UPP2: variants seen among roughly 807,000 people sequenced by gnomAD.
UPP2 encodes the protein UPase 2.
A neutral mutation model predicts 26.7 loss-of-function variants in UPP2; 23 were observed. The observed-to-expected ratio is 0.86, with a 90% confidence interval of 0.62 to 1.22. The LOEUF (loss-of-function observed/expected upper bound fraction) is 1.22. Ranked by LOEUF, UPP2 falls within the 50% of genes most tolerant of loss-of-function variation. UPP2 has a pLI of 0.00. For missense variants in UPP2, 387 were observed against 396.7 expected (o/e 0.98, Z 0.21); for synonymous variants, 127 against 141.3 (o/e 0.90, Z 0.72).
intron 3 of UPP2, among the ~76,000 whole-genome samples, chr2:158,022,896 T>C (rs1683774731): frequency 6.6e-6 from 1 of 152,176 alleles, no homozygotes; most frequent in Non-Finnish European, 1.5e-5. Context: ...GATACAGGCA[T>C]AAAAGCAGAT....
intron 3 of UPP2, among the ~76,000 whole-genome samples, chr2:158,019,906 C>T (rs1683722559): frequency 6.6e-6 from 1 of 151,678 alleles, no homozygotes; most frequent in South Asian, 2.1e-4. Flanking sequence ...TTTTATACAC[C>T]AAAAGAAAAA....
At chr2:158,094,402 T>G (rs1445173876) in intron 3 of UPP2, among the ~76,000 whole-genome samples, 5 of 152,110 alleles carry the variant, frequency 3.3e-5, no homozygotes, top group African/African-American at 1.2e-4. Context: ...GACCTAACAA[T>G]CACCACAGCA....
At chr2:158,085,193 T>C (rs2105197817) in intron 3 of UPP2, among the ~76,000 whole-genome samples, 1 of 152,238 alleles carries the variant, frequency 6.6e-6, no homozygotes, top group South Asian at 2.1e-4. Context: ...GTTTTCCTTG[T>C]AGAGGTCTTT....
At chr2:158,011,190 G>A (rs1424131180) in intron 2 of UPP2, among the ~76,000 whole-genome samples, 1 of 152,110 alleles carries the variant, frequency 6.6e-6, no homozygotes, top group African/African-American at 2.4e-5. Flanking sequence ...AACACCCTTT[G>A]GTTTCACACG....
chr2:158,054,385 GT>G (rs71404330), intron 3 of UPP2, among the ~76,000 whole-genome samples: 1,696 of 138,998 alleles, frequency 0.012, 17 homozygotes, highest in Middle Eastern at 0.04. Flanking sequence ...TTATTTTGAG[GT>G]TTTTTTTTTT....
chr2:158,116,674 C>T (rs1683437838), intron 3 of UPP2, among the ~76,000 whole-genome samples: 1 of 152,194 alleles, frequency 6.6e-6, no homozygotes, highest in Non-Finnish European at 1.5e-5. Context: ...CATTAACTTA[C>T]TAAATGTCTG....
chr2:158,105,133 T>G (rs556653231), intron 1 of UPP2, among the ~76,000 whole-genome samples: 2 of 151,600 alleles, frequency 1.3e-5, no homozygotes, highest in East Asian at 3.9e-4. Flanking sequence ...CACTGTGGTG[T>G]GGGGGTAGAT....
At chr2:158,065,589 G>A in intron 3 of UPP2, 2 of 558,090 alleles carry the variant, frequency 3.6e-6, no homozygotes, top group Non-Finnish European at 7.0e-6. Context: ...TCACATACAA[G>A]AACATGAGGA....
chr2:158,112,623 G>A (rs145993305), intron 2 of UPP2, among the ~76,000 whole-genome samples: 51 of 151,926 alleles, frequency 3.4e-4, no homozygotes, highest in Middle Eastern at 3.4e-3. Flanking sequence ...AAAAAAGGAA[G>A]TTATCTATTC....
At chr2:158,131,849 C>T (rs1683825881) in intron 6 of UPP2, among the ~76,000 whole-genome samples, 1 of 152,188 alleles carries the variant, frequency 6.6e-6, no homozygotes, top group Non-Finnish European at 1.5e-5. Context: ...TTATTATATG[C>T]TGCTCGCTAG....
chr2:158,053,097 GC>G (rs1682186068), intron 3 of UPP2, among the ~76,000 whole-genome samples: 1 of 152,144 alleles, frequency 6.6e-6, no homozygotes, highest in South Asian at 2.1e-4. Context: ...CACCTTTCTA[GC>G]AGGAGGTGTG....
At chr2:158,121,375 T>C (rs367861426) in intron 4 of UPP2, 34 bp from the exon 5 acceptor site, 1 of 1,579,414 alleles carries the variant, frequency 6.3e-7, no homozygotes, top group African/African-American at 1.3e-5. Context: ...CTCTAAACGA[T>C]ATTCTTCTGT....
At chr2:158,011,577 A>T (rs1048655827) in intron 2 of UPP2, among the ~76,000 whole-genome samples, 1 of 149,896 alleles carries the variant, frequency 6.7e-6, no homozygotes, top group Non-Finnish European at 1.5e-5. Context: ...CAGCTTGGGT[A>T]AGTTGTCCAC....
intron 2 of UPP2, among the ~76,000 whole-genome samples, chr2:158,007,929 A>G (rs967088744): frequency 6.6e-6 from 1 of 152,162 alleles, no homozygotes; most frequent in African/African-American, 2.4e-5. Flanking sequence ...CTGGCTTTTC[A>G]TGTATCTCTA....
At position 158,124,216 on chromosome 2, in the gene UPP2, A is replaced by G. The variant is rs182673310; in HGVS notation, c.811+321A>G. 7.7e-4 allele frequency among the ~76,000 whole-genome samples: 118 copies of G among 152,288 alleles called. 1 individual carries two copies. The highest frequency in any genetic ancestry group is 2.8e-3 in the African/African-American group (116 of 41,556). ...ATTGAATTTATTGAGACAAGATACA[A>G]ACAAAATATTCCTAAAATAGTCCAT... On this transcript the variant is annotated intron_variant, in intron 6 of 6. Coordinates refer to ENST00000005756, the MANE Select transcript of UPP2 (RefSeq NM_173355.4).
intron 3 of UPP2, among the ~76,000 whole-genome samples, chr2:158,030,360 C>T (rs1390815825): frequency 1.3e-5 from 2 of 151,890 alleles, no homozygotes; most frequent in Non-Finnish European, 2.9e-5. Flanking sequence ...CATCCATATC[C>T]CTGAAAGTTT....
intron 3 of UPP2, among the ~76,000 whole-genome samples, chr2:158,032,461 A>C (rs1051073438): frequency 2.0e-5 from 3 of 152,200 alleles, no homozygotes; most frequent in African/African-American, 7.2e-5. Flanking sequence ...GGCTGCCTAC[A>C]TGAAAATATA....
chr2:158,020,967 T>A (rs1303414166), intron 3 of UPP2, among the ~76,000 whole-genome samples: 1 of 152,212 alleles, frequency 6.6e-6, no homozygotes, highest in Non-Finnish European at 1.5e-5. Context: ...TAAAGAATGA[T>A]GAGAACAGGG....
At chr2:158,008,591 G>T (rs1397531665) in intron 2 of UPP2, among the ~76,000 whole-genome samples, 2 of 152,130 alleles carry the variant, frequency 1.3e-5, no homozygotes, top group African/African-American at 4.8e-5. Flanking sequence ...ACTTTCTAAA[G>T]CACTTGACTT....
Sources: allele counts gnomAD v4.1 joint callset (sites outside exome capture counted in the v4.1 genomes callset), GRCh38; gene constraint gnomAD v4.1.1; transcripts MANE v1.5; gene names NCBI Gene and HGNC (gene_info 2026-07-23, HGNC 2026-07-21).